The following GALNT6 variants were observed in gnomAD, a reference collection of about 807,000 sequenced individuals.
GALNT6 encodes polypeptide N-acetylgalactosaminyltransferase 6.
A neutral mutation model predicts 65.9 loss-of-function variants in GALNT6; 51 were observed. The ratio of observed to expected loss-of-function variants is 0.77; its 90% CI spans 0.62 to 0.98. GALNT6 has a LOEUF of 0.98. Among genes scored for constraint, GALNT6 ranks in the 50% least tolerant of loss-of-function variants. GALNT6 has a pLI of 0.00. For synonymous variants in GALNT6, 323 were observed against 315.1 expected, an observed-to-expected ratio of 1.02 and a Z score of -0.26; for missense variants, 708 against 803.3, an observed-to-expected ratio of 0.88 and a Z score of 1.43.
chr12:51,365,562 G>C lies in GALNT6; in HGVS notation c.682C>G (p.Leu228Val). Residue 228 changes from leucine to valine, a missense_variant, in exon 5 of 12, where the codon CTG becomes GTG. Physicochemically the swap from Leu to Val is conservative, Grantham distance 32. Coordinates refer to ENST00000356317, the MANE Select transcript of GALNT6 (RefSeq NM_007210.4). ...ASTEEHLKEK[L>V]EQYVKQLQVV... The stretch of plus-strand genomic sequence containing the variant: ...TGCAGCTGCTTCACGTACTGCTCCA[G>C]CTTCTCCTTTAGGTGCTCTGGAAGG... 3 of 1,613,796 alleles carry C rather than the reference G, an allele frequency of 1.9e-6. No individual in the cohort carries two copies. Among genetic ancestry groups the C allele is most frequent in the Non-Finnish European group, 2.5e-6 (3 of 1,179,958 alleles).
chr12:51,365,331 G>A, intron 5 of GALNT6, 99 bp downstream of exon 5: 1 of 1,166,512 alleles, frequency 8.6e-7, no homozygotes, highest in South Asian at 1.6e-5. Context: ...ACTCCCGGAA[G>A]AGAGAACAGG....
At position 51,355,977 on chromosome 12, in the gene GALNT6, G is replaced by T. The variant is rs374435646; in HGVS notation, c.1603-19C>A. On this transcript the variant is annotated intron_variant, in intron 10 of 11. Coordinates refer to ENST00000356317, the MANE Select transcript of GALNT6 (RefSeq NM_007210.4). ...CAAAGTACTGGAAATCAAGACAAGA[G>T]AAGCAGGTGGAGAGTTCACCCCCAG... 2.5e-6 allele frequency: 4 copies of T among 1,610,662 alleles called. No individual in the cohort carries two copies. The highest frequency in any genetic ancestry group is 3.4e-6 in the Non-Finnish European group (4 of 1,177,836).
intron 11 of GALNT6, among the ~76,000 whole-genome samples, chr12:51,354,969 G>A (rs79860118): frequency 0.016 from 2,510 of 152,248 alleles, 65 homozygotes; most frequent in African/African-American, 0.058. Context: ...ATATCCTGGA[G>A]CAGTGTGGTG....
Position 51,364,211 on chromosome 12 carries a change from C to T in GALNT6, c.959G>A (p.Arg320Gln), listed in dbSNP as rs138580901. The part of the protein sequence containing the change: ...KPVQRGRVHS[R>Q]GNFDWSLTFG... ...GGTCAGGCTCCAGTCAAAGTTGCCT[C>T]GGCTATGGACTCTGCCCCTCTGGAC... The change falls in exon 6 of 12, where the codon CGA becomes CAA. Residue 320 changes from arginine (R) to glutamine (Q), a missense_variant. Coordinates refer to ENST00000356317, the MANE Select transcript of GALNT6 (RefSeq NM_007210.4). The T allele has an allele frequency of 6.7e-5, 108 of 1,614,022 alleles. No individual in the cohort carries two copies. Among genetic ancestry groups the T allele is most frequent in the Admixed American group, 1.2e-4 (7 of 59,994 alleles).
rs142912805 is a variant in GALNT6 at position 51,355,635 on chromosome 12, A to T, written c.1755+171T>A. Among the ~76,000 whole-genome samples, 186 of 152,136 alleles carry T rather than the reference A, an allele frequency of 1.2e-3. 1 individual carries two copies. Among genetic ancestry groups the T allele is most frequent in the African/African-American group, 4.2e-3 (175 of 41,532 alleles). ...TAGGCGCCGACCACTATGCCCAGCTAATTTTTGTATTATTAGTAGAGATGG... is the reference window on the plus strand; with the variant it reads ...TAGGCGCCGACCACTATGCCCAGCTTATTTTTGTATTATTAGTAGAGATGG... On this transcript the variant is annotated intron_variant, in intron 11 of 11. Transcript: ENST00000356317.
At chr12:51,379,237 C>T in intron 3 of GALNT6, 54 bp downstream of exon 3, 2 of 1,504,696 alleles carry the variant, frequency 1.3e-6, no homozygotes, top group South Asian at 2.8e-5. Context: ...GCCATACTAG[C>T]CATGCCTTTA....
intron 4 of GALNT6, 59 bp from the exon 5 acceptor site, chr12:51,365,638 G>C: frequency 6.4e-7 from 1 of 1,554,262 alleles, no homozygotes; most frequent in East Asian, 2.3e-5. Flanking sequence ...CCAATCCCCT[G>C]TGGGCACCAA....
In GALNT6 at chr12:51,357,993, C is replaced by T. The variant is rs374032014; in HGVS notation, c.1500+137G>A. 6.2e-5 allele frequency: 51 copies of T among 818,776 alleles called. 2 individuals carry two copies. Among genetic ancestry groups the T allele is most frequent in the Middle Eastern group, 3.7e-4 (1 of 2,716 alleles). 50.7% of individuals were successfully genotyped at this position (818,776 alleles called of 1,614,324 possible). On this transcript the variant is annotated intron_variant, in intron 9 of 11. Coordinates refer to ENST00000356317, the MANE Select transcript of GALNT6 (RefSeq NM_007210.4). ...CTCTAGAAGCCCCAACGTGGCCTCT[C>T]AGTCCTCCTCCTGGATAAAGGAGGG...
chr12:51,370,974 C>T (rs1388346389), intron 4 of GALNT6, among the ~76,000 whole-genome samples: 1 of 152,004 alleles, frequency 6.6e-6, no homozygotes, highest in African/African-American at 2.4e-5. Context: ...GTGCCTTTTA[C>T]TACATACACA....
chr12:51,352,284 A>C lies in GALNT6; in HGVS notation c.*2095T>G, dbSNP rs1592303576. 6.6e-6 allele frequency: 1 copy of C among 151,916 alleles called. No individual in the cohort carries two copies. The highest frequency in any genetic ancestry group is 2.1e-4 in the South Asian group (1 of 4,810). The allele number at this position is 151,916 out of a possible 1,614,324, so 9.4% of individuals were successfully genotyped here. A position where few individuals can be genotyped will look rare whatever the true frequency, so the allele number is the denominator to read the frequency against. ...CTTCCAGACACGCTCAACTCTGCAC[A>C]CTCTTCCTGCCGCCTCAGGCTTTCC... On this transcript the variant is annotated 3_prime_UTR_variant, in exon 12 of 12. Transcript: ENST00000356317.
intron 2 of GALNT6, among the ~76,000 whole-genome samples, chr12:51,384,719 T>C (rs1449885909): frequency 2.8e-5 from 4 of 143,142 alleles, no homozygotes; most frequent in Admixed American, 2.1e-4. Flanking sequence ...AAAGACCAAT[T>C]AGCAAAAAGA....
intron 6 of GALNT6, among the ~76,000 whole-genome samples, chr12:51,362,038 G>A (rs1042414372): frequency 3.9e-5 from 6 of 152,132 alleles, no homozygotes; most frequent in African/African-American, 9.7e-5. Context: ...TTTCTGGAAG[G>A]AATTTCAGTC....
chr12:51,359,481 G>T, intron 7 of GALNT6, 149 bp from the exon 8 acceptor site: 1 of 572,606 alleles, frequency 1.7e-6, no homozygotes, highest in South Asian at 2.4e-5. Context: ...AAAGGATACC[G>T]ACCAGGCTTC....
intron 2 of GALNT6, among the ~76,000 whole-genome samples, chr12:51,383,882 G>T (rs766924442): frequency 1.3e-5 from 2 of 152,170 alleles, no homozygotes; most frequent in Non-Finnish European, 2.9e-5. Context: ...ATTCCCAGAA[G>T]TATGGTTAGC....
At chr12:51,370,436 G>A (rs921505567) in intron 4 of GALNT6, among the ~76,000 whole-genome samples, 11 of 152,190 alleles carry the variant, frequency 7.2e-5, no homozygotes, top group Admixed American at 5.2e-4. Flanking sequence ...TCGGGAGGCC[G>A]AGGCAGGAGA....
intron 5 of GALNT6, among the ~76,000 whole-genome samples, chr12:51,365,015 G>A (rs1947049397): frequency 6.6e-6 from 1 of 152,112 alleles, no homozygotes; most frequent in African/African-American, 2.4e-5. Context: ...CCACAACAGT[G>A]GGGAAGTGTT....
intron 5 of GALNT6, 66 bp from the exon 6 acceptor site, chr12:51,364,421 G>A: frequency 8.9e-7 from 1 of 1,126,516 alleles, no homozygotes; most frequent in Non-Finnish European, 1.3e-6. Flanking sequence ...GCTGCATCCT[G>A]GAGGGAATGC....
rs182826658 is a variant in GALNT6 at position 51,363,088 on chromosome 12, G to A, written c.1049+1033C>T. On this transcript the variant is annotated intron_variant, in intron 6 of 11. Transcript: ENST00000356317. ...CTTTCAAACCTTCCCTCTTATCTCT[G>A]GCTACTGTATCTCCAACCTCTGCAT... 3.9e-3 allele frequency among the ~76,000 whole-genome samples: 600 copies of A among 152,058 alleles called. 7 individuals carry two copies. The highest frequency in any genetic ancestry group is 0.013 in the African/African-American group (559 of 41,482).
chr12:51,355,744 G>A, intron 11 of GALNT6, 62 bp downstream of exon 11: 1 of 1,531,582 alleles, frequency 6.5e-7, no homozygotes, highest in Non-Finnish European at 9.0e-7. Flanking sequence ...TGGGATTACA[G>A]GCGTGAGCCA....
Sources: allele counts gnomAD v4.1 joint callset (sites outside exome capture counted in the v4.1 genomes callset), GRCh38; gene constraint gnomAD v4.1.1; transcripts MANE v1.5; gene names NCBI Gene and HGNC (gene_info 2026-07-23, HGNC 2026-07-21).